C12orf54: variants seen among roughly 807,000 people sequenced by gnomAD.
The protein encoded by C12orf54 is uncharacterized protein C12orf54.
A neutral mutation model predicts 26.4 loss-of-function variants in C12orf54; 24 were observed. The observed-to-expected ratio is 0.91, with a 90% CI of 0.66 to 1.28. C12orf54 has a LOEUF of 1.28. C12orf54 is among the 50% of genes most tolerant of loss of function. The pLI, the probability that C12orf54 is intolerant of heterozygous loss-of-function variation, is 0.00. For missense variants in C12orf54, 154 were observed against 150.9 expected (o/e 1.02, Z -0.11); for synonymous variants, 54 against 47.0 (o/e 1.15, Z -0.61).
the C12orf54 span, among the ~76,000 whole-genome samples, chr12:48,469,837 C>T: frequency 6.6e-6 from 1 of 152,138 alleles, no homozygotes; most frequent in African/African-American, 2.4e-5. Flanking sequence ...TCCCTGACTT[C>T]CCACAACACT....
At chr12:48,492,752 G>A in intron 6 of C12orf54, 195 bp from the exon 7 acceptor site, 2 of 596,852 alleles carry the variant, frequency 3.4e-6, no homozygotes, top group Non-Finnish European at 3.1e-6. Context: ...GATCCGCTCT[G>A]CTTCACAGGG....
the C12orf54 span, among the ~76,000 whole-genome samples, chr12:48,453,780 T>A: frequency 1.3e-5 from 2 of 151,292 alleles, no homozygotes; most frequent in African/African-American, 4.8e-5. Flanking sequence ...ATATGAAACA[T>A]ATAAGCATAA....
At chr12:48,461,039 T>C in the C12orf54 span, among the ~76,000 whole-genome samples, 1 of 151,976 alleles carries the variant, frequency 6.6e-6, no homozygotes, top group Admixed American at 6.6e-5. Flanking sequence ...ACTTTAAATA[T>C]AATACCACAA....
At chr12:48,441,436 C>T in the C12orf54 span, among the ~76,000 whole-genome samples, 1 of 152,006 alleles carries the variant, frequency 6.6e-6, no homozygotes, top group African/African-American at 2.4e-5. Flanking sequence ...GCACTCCAGC[C>T]TGGGCGACCA....
chr12:48,488,535 G>C, intron 4 of C12orf54: 2 of 387,562 alleles, frequency 5.2e-6, no homozygotes, highest in East Asian at 6.6e-5. Context: ...TTTCCAAAGT[G>C]AGCATATGAT....
At chr12:48,493,673 T>A (rs967975737) in intron 7 of C12orf54, among the ~76,000 whole-genome samples, 1 of 135,724 alleles carries the variant, frequency 7.4e-6, no homozygotes. Context: ...AAGAAAGTTA[T>A]AAAGAAAATT....
chr12:48,472,074 G>C, the C12orf54 span, among the ~76,000 whole-genome samples: 2 of 152,128 alleles, frequency 1.3e-5, no homozygotes, highest in Non-Finnish European at 2.9e-5. Context: ...TTGGTTAGCT[G>C]TATTCCTAGG....
chr12:48,472,058 C>G, the C12orf54 span, among the ~76,000 whole-genome samples: 4 of 152,032 alleles, frequency 2.6e-5, no homozygotes, highest in Admixed American at 6.6e-5. Context: ...AATTTTTCAC[C>G]TCTCCTTGGT....
At chr12:48,471,292 C>T in the C12orf54 span, among the ~76,000 whole-genome samples, 22 of 152,160 alleles carry the variant, frequency 1.4e-4, no homozygotes, top group Admixed American at 6.6e-5. Flanking sequence ...ATTTTTATGG[C>T]TGACGAGTAC....
At chr12:48,488,495 A>AAAAAAAC (rs67325885) in intron 4 of C12orf54, 15 of 334,530 alleles carry the variant, frequency 4.5e-5, no homozygotes, top group Non-Finnish European at 6.2e-5. Context: ...AAAAAAAAAA[A>AAAAAAAC]GAAAGAAAGA....
At chr12:48,466,754 C>T in the C12orf54 span, among the ~76,000 whole-genome samples, 1 of 152,064 alleles carries the variant, frequency 6.6e-6, no homozygotes, top group Non-Finnish European at 1.5e-5. Context: ...GGTACTGCAA[C>T]TTTAGAAAAC....
At chr12:48,490,902 A>G in intron 6 of C12orf54, 66 bp downstream of exon 6, 1 of 1,555,250 alleles carries the variant, frequency 6.4e-7, no homozygotes, top group Middle Eastern at 1.7e-4. Context: ...TTCAAGTCTC[A>G]TTGTATCCAT....
the C12orf54 span, among the ~76,000 whole-genome samples, chr12:48,426,472 T>A: frequency 3.3e-4 from 51 of 152,298 alleles, no homozygotes; most frequent in African/African-American, 1.1e-3. Context: ...TACCATGTTG[T>A]ATTGGTTACT....
the C12orf54 span, chr12:48,473,171 CA>C: frequency 6.7e-7 from 1 of 1,486,770 alleles, no homozygotes; most frequent in Non-Finnish European, 9.4e-7. Flanking sequence ...GCCTGGATGA[CA>C]AGGAGGAGGA....
the C12orf54 span, among the ~76,000 whole-genome samples, chr12:48,432,225 AT>A: frequency 3.3e-5 from 5 of 152,148 alleles, no homozygotes; most frequent in African/African-American, 9.7e-5. Context: ...CAATGAATTT[AT>A]TTTTTTCCAA....
the C12orf54 span, among the ~76,000 whole-genome samples, chr12:48,464,746 A>G: frequency 6.6e-6 from 1 of 152,168 alleles, no homozygotes; most frequent in African/African-American, 2.4e-5. Flanking sequence ...AACAGAATAG[A>G]GAACTCAAAA....
chr12:48,452,433 T>A, the C12orf54 span, among the ~76,000 whole-genome samples: 1 of 152,076 alleles, frequency 6.6e-6, no homozygotes, highest in South Asian at 2.1e-4. Context: ...AGGCAAAGAT[T>A]TCATGACAAA....
upstream of C12orf54, among the ~76,000 whole-genome samples, chr12:48,480,114 A>C (rs1954183476): frequency 6.6e-6 from 1 of 152,222 alleles, no homozygotes; most frequent in Non-Finnish European, 1.5e-5. Flanking sequence ...AGTTACCAAA[A>C]ACACAAATAT....
chr12:48,493,868 T>C (rs1173627422), intron 7 of C12orf54, among the ~76,000 whole-genome samples: 1 of 151,168 alleles, frequency 6.6e-6, no homozygotes, highest in Non-Finnish European at 1.5e-5. Flanking sequence ...GACTAGGTAG[T>C]CAAGAAAGAC....
Sources: allele counts gnomAD v4.1 joint callset (sites outside exome capture counted in the v4.1 genomes callset), GRCh38; gene constraint gnomAD v4.1.1; transcripts MANE v1.5; gene names NCBI Gene and HGNC (gene_info 2026-07-23, HGNC 2026-07-21).